STAT5A: variants seen among roughly 807,000 people sequenced by gnomAD.
STAT5A encodes signal transducer and activator of transcription 5A, also known as epididymis secretory sperm binding protein.
In STAT5A, 26 loss-of-function variants were observed where a neutral mutation model predicts 100.2. The observed-to-expected ratio is 0.26, with a 90% CI of 0.19 to 0.36. The LOEUF is 0.36. Ranked by LOEUF, STAT5A falls within the 10% of genes least tolerant of loss-of-function variation. STAT5A has a pLI of 1.00. For missense variants in STAT5A, 634 were observed against 1,027.5 expected, an observed-to-expected ratio of 0.62 and a Z score of 5.24; for synonymous variants, 330 against 424.3, an observed-to-expected ratio of 0.78 and a Z score of 2.73.
At chr17:42,293,717 G>C (rs1052233418) in intron 4 of STAT5A, among the ~76,000 whole-genome samples, 6 of 152,238 alleles carry the variant, frequency 3.9e-5, no homozygotes, top group African/African-American at 1.2e-4. Context: ...CTCAGATTGG[G>C]GCAGGCTGGC....
chr17:42,306,447 G>T lies in STAT5A; in HGVS notation c.1680G>T (p.Arg560Ser). The change falls in exon 13 of 19, where the codon AGG becomes AGT. Residue 560 changes from arginine to serine, a missense_variant and splice_region_variant. Arg to Ser is a moderately radical substitution (Grantham distance 110, BLOSUM62 -1). Transcript: ENST00000590949. ...CCGTGTCCTGGTCCCAGTTCAACAG[G>T]GTGAGGGGCCCAGCTGCCAGCCGCC... ...GLSVSWSQFN[R>S]ENLPGWNYTF... The T allele has an allele frequency of 1.2e-6, 2 of 1,610,628 alleles. No individual in the cohort carries two copies. Among genetic ancestry groups the T allele is most frequent in the Non-Finnish European group, 1.7e-6 (2 of 1,178,448 alleles).
rs1444496571 is a variant in STAT5A at position 42,306,233 on chromosome 17, C to T, written c.1474-8C>T. Reference sequence around the variant, plus strand: ...TCTACCTTTTCCCCTCTCTTGTCTCCCTCTCAGGGCAGGGTGCCATTTGCC... The same window carrying T: ...TCTACCTTTTCCCCTCTCTTGTCTCTCTCTCAGGGCAGGGTGCCATTTGCC... On this transcript the variant is annotated splice_polypyrimidine_tract_variant and splice_region_variant and intron_variant, in intron 12 of 18. Transcript: ENST00000590949. 2 of 1,613,858 alleles carry T rather than the reference C, an allele frequency of 1.2e-6. No individual in the cohort carries two copies. Among genetic ancestry groups the T allele is most frequent in the East Asian group, 4.5e-5 (2 of 44,902 alleles).
At chr17:42,306,680 G>A (rs1309254492) in intron 13 of STAT5A, among the ~76,000 whole-genome samples, 1 of 152,042 alleles carries the variant, frequency 6.6e-6, no homozygotes, top group African/African-American at 2.4e-5. Context: ...AGGGCTGGGA[G>A]TCAGGATCCT....
In STAT5A at chr17:42,292,941, G is replaced by A. The variant is rs147706644; in HGVS notation, c.375+880G>A. 4.1e-3 allele frequency among the ~76,000 whole-genome samples: 626 copies of A among 152,026 alleles called. 5 individuals carry two copies. The highest frequency in any genetic ancestry group is 0.014 in the African/African-American group (598 of 41,506). ...CCGTGCCCGGCCTGTTCCTACTCTT[G>A]TAAAATGGAGATAGCAATCATACCT... is the stretch of plus-strand genomic sequence containing the variant. On this transcript the variant is annotated intron_variant, in intron 4 of 18. Coordinates refer to ENST00000590949, the MANE Select transcript of STAT5A (RefSeq NM_001288718.2).
intron 5 of STAT5A, 50 bp downstream of exon 5, chr17:42,295,843 A>G: frequency 2.5e-6 from 4 of 1,598,196 alleles, no homozygotes; most frequent in South Asian, 1.1e-5. Flanking sequence ...AGTGAGGAAC[A>G]TTCTATGGAC....
In STAT5A at chr17:42,309,500, A is replaced by C; in HGVS notation, c.2222+16A>C. On this transcript the variant is annotated intron_variant, in intron 18 of 18. Transcript: ENST00000590949. ...ACCCACAGAAGTAGGTGGTGTTCTCATGGGGTCCGCAGGGGAAGAACTGGG... is the reference window on the plus strand; with the variant it reads ...ACCCACAGAAGTAGGTGGTGTTCTCCTGGGGTCCGCAGGGGAAGAACTGGG... The C allele has an allele frequency of 5.6e-4, 897 of 1,610,766 alleles. No individual in the cohort carries two copies. Among genetic ancestry groups the C allele is most frequent in the Non-Finnish European group, 7.0e-4 (825 of 1,177,438 alleles).
At chr17:42,300,576 G>C (rs2080967207) in intron 7 of STAT5A, 139 bp from the exon 8 acceptor site, 1 of 763,602 alleles carries the variant, frequency 1.3e-6, no homozygotes, top group Non-Finnish European at 2.1e-6. Flanking sequence ...CTGGGAGGCA[G>C]GGAGCTCTGC....
At chr17:42,306,117 T>G in intron 12 of STAT5A, 124 bp from the exon 13 acceptor site, 3 of 1,516,428 alleles carry the variant, frequency 2.0e-6, no homozygotes, top group Non-Finnish European at 2.7e-6. Context: ...TGCCCTTGCA[T>G]TTGTGTCACC....
intron 2 of STAT5A, 73 bp from the exon 3 acceptor site, chr17:42,289,793 T>A: frequency 6.9e-7 from 1 of 1,447,866 alleles, no homozygotes; most frequent in Non-Finnish European, 9.1e-7. Flanking sequence ...GGGTTTCCAC[T>A]TTATTCCAGC....
At chr17:42,289,366 G>A in intron 1 of STAT5A, 36 bp from the exon 2 acceptor site, 3 of 1,569,412 alleles carry the variant, frequency 1.9e-6, no homozygotes, top group Non-Finnish European at 2.6e-6. Context: ...CTTGGCCTCT[G>A]CAGAGGAGAG....
In STAT5A at chr17:42,305,642, C is replaced by T. The variant is rs139679741; in HGVS notation, c.1413C>T (p.His471=). 2.2e-5 allele frequency: 36 copies of T among 1,614,086 alleles called. No homozygotes were observed. Among genetic ancestry groups the T allele is most frequent in the African/African-American group, 6.7e-5 (5 of 74,940 alleles). Residue 471 remains histidine (H), a synonymous_variant, in exon 12 of 19, where the codon CAC becomes CAT. Coordinates refer to ENST00000590949, the MANE Select transcript of STAT5A (RefSeq NM_001288718.2). ...TLSLPVVVIV[H]GSQDHNATAT... ...CCCTACCTGTGGTTGTCATCGTCCA[C>T]GGCAGCCAGGACCACAATGCCACGG... is the stretch of plus-strand genomic sequence containing the variant.
In STAT5A at chr17:42,306,528, G is replaced by T. The variant is rs1399871099; in HGVS notation, c.1680+81G>T. The T allele has an allele frequency of 2.6e-6, 4 of 1,548,970 alleles. No individual in the cohort carries two copies. The East Asian group carries it at 9.7e-5, about 38-fold the overall frequency. ...CCACCTCACAGACAGGTTACTGCCT[G>T]GGGCTAGCACCCCACTCTCCACCCC... On this transcript the variant is annotated intron_variant, in intron 13 of 18. Coordinates refer to ENST00000590949, the MANE Select transcript of STAT5A (RefSeq NM_001288718.2).
chr17:42,296,074 A>G (rs1413322036), intron 5 of STAT5A, among the ~76,000 whole-genome samples: 1 of 152,216 alleles, frequency 6.6e-6, no homozygotes, highest in Non-Finnish European at 1.5e-5. Flanking sequence ...AACTTGGCCT[A>G]GGTTGCCTGT....
rs147487592 is a variant in STAT5A, at chr17:42,309,508, C to T, written c.2222+24C>T. 2.5e-5 allele frequency: 41 copies of T among 1,609,510 alleles called. No homozygotes were observed. In the African/African-American group the frequency reaches 3.6e-4, roughly 14 times the overall value. ...AAGTAGGTGGTGTTCTCATGGGGTC[C>T]GCAGGGGAAGAACTGGGGACTTGGC... On this transcript the variant is annotated intron_variant, in intron 18 of 18. Transcript: ENST00000590949.
At chr17:42,293,777 A>G (rs1598355546) in intron 4 of STAT5A, among the ~76,000 whole-genome samples, 1 of 152,358 alleles carries the variant, frequency 6.6e-6, no homozygotes, top group East Asian at 1.9e-4. Context: ...GGAGAAAGGC[A>G]GGAGAGGAGG....
At position 42,299,734 on chromosome 17, in the gene STAT5A, C is replaced by T. The variant is rs1303821241; in HGVS notation, c.551-17C>T. The T allele has an allele frequency of 6.2e-7, 1 of 1,614,068 alleles. No individual in the cohort carries two copies. Among genetic ancestry groups the T allele is most frequent in the Non-Finnish European group, 8.5e-7 (1 of 1,180,008 alleles). ...CACTAGGAGGTGATGGTCATGGTTT[C>T]CTCTTCTCTCCTCTAGCTCAGTTTG... On this transcript the variant is annotated splice_polypyrimidine_tract_variant and intron_variant, in intron 5 of 18. Transcript: ENST00000590949.
chr17:42,310,757 C>A lies in STAT5A; in HGVS notation c.*88C>A, dbSNP rs948030049. ...TTTAGTAAGGCTGTGTACACTGACA[C>A]CTTTGCAGGCATGCATGTGCTTGTG... On this transcript the variant is annotated 3_prime_UTR_variant, in exon 19 of 19. Transcript: ENST00000590949. 6.4e-7 allele frequency: 1 copy of A among 1,573,004 alleles called. No individual in the cohort carries two copies. The highest frequency in any genetic ancestry group is 8.6e-7 in the Non-Finnish European group (1 of 1,158,250).
In STAT5A at chr17:42,311,941, A is replaced by G. The variant is rs2081087715; in HGVS notation, c.*1272A>G. 1 of 152,800 alleles carries G rather than the reference A, an allele frequency of 6.5e-6. No individual in the cohort carries two copies. The highest frequency in any genetic ancestry group is 2.4e-5 in the African/African-American group (1 of 41,458). The allele number at this position is 152,800 out of a possible 1,614,324, so 9.5% of individuals were successfully genotyped here. A position where few individuals can be genotyped will look rare whatever the true frequency, so the allele number is the denominator to read the frequency against. On this transcript the variant is annotated 3_prime_UTR_variant, in exon 19 of 19. Coordinates refer to ENST00000590949, the MANE Select transcript of STAT5A (RefSeq NM_001288718.2). Reference sequence around the variant, plus strand: ...TTTTGGAATAAAATATTTTTTTCATAAATTTGCTGCTATGGCTCCTGGTTG... The same window carrying G: ...TTTTGGAATAAAATATTTTTTTCATGAATTTGCTGCTATGGCTCCTGGTTG...
At chr17:42,289,573 G>A in intron 2 of STAT5A, 34 bp downstream of exon 2, 1 of 1,606,238 alleles carries the variant, frequency 6.2e-7, no homozygotes, top group Non-Finnish European at 8.5e-7. Context: ...TCCTCAGAGG[G>A]TCCCTACCAT....
Sources: allele counts gnomAD v4.1 joint callset (sites outside exome capture counted in the v4.1 genomes callset), GRCh38; gene constraint gnomAD v4.1.1; transcripts MANE v1.5; gene names NCBI Gene and HGNC (gene_info 2026-07-23, HGNC 2026-07-21).